SASH1: variants seen among roughly 807,000 people sequenced by gnomAD.
SASH1 encodes SAM and SH3 domain-containing protein 1.
Under a neutral mutation model 125.2 loss-of-function variants are expected in SASH1, and 44 were observed. The ratio of observed to expected loss-of-function variants is 0.35; its 90% CI spans 0.28 to 0.45. The LOEUF (loss-of-function observed/expected upper bound fraction) is 0.45, where lower values mean the gene tolerates loss of function less well. Ranked by LOEUF, SASH1 falls within the 20% of genes least tolerant of loss-of-function variation. The pLI, the probability that SASH1 is intolerant of heterozygous loss-of-function variation, is 1.00. For missense variants in SASH1, 1,426 were observed against 1,614.5 expected (o/e 0.88, Z 2.00); for synonymous variants, 639 against 649.1 (o/e 0.98, Z 0.24).
chr6:148,436,438 A>C (rs1422682959), intron 2 of SASH1, among the ~76,000 whole-genome samples: 1 of 152,026 alleles, frequency 6.6e-6, no homozygotes, highest in African/African-American at 2.4e-5. Context: ...CTGGAAGGTC[A>C]AGGCTGCAGT....
At chr6:148,330,553 T>C (rs1200556417) in intron 1 of SASH1, among the ~76,000 whole-genome samples, 2 of 152,190 alleles carry the variant, frequency 1.3e-5, no homozygotes, top group Non-Finnish European at 2.9e-5. Context: ...TAACAATCTC[T>C]GGTCTCTTAT....
rs1778112397 is a variant in SASH1, at chr6:148,471,466, A to G, written c.477A>G (p.Arg159=). The stretch of plus-strand genomic sequence containing the variant: ...ATAAGTATTTCTGGCAGAACTTCCG[A>G]AAGAACCAGAAAGGAATAATGAGAC... The part of the protein sequence containing the change: ...KKNKYFWQNF[R]KNQKGIMRQT... Residue 159 remains arginine, a synonymous_variant, in exon 6 of 20, where the codon CGA becomes CGG. Coordinates refer to ENST00000367467, the MANE Select transcript of SASH1 (RefSeq NM_015278.5). The G allele has an allele frequency of 6.3e-7, 1 of 1,598,694 alleles. No homozygotes were observed. Among genetic ancestry groups the G allele is most frequent in the Non-Finnish European group, 8.5e-7 (1 of 1,170,644 alleles).
chr6:148,382,522 TCAGGTGATCCA>T (rs1783182840), intron 1 of SASH1, among the ~76,000 whole-genome samples: 2 of 152,182 alleles, frequency 1.3e-5, no homozygotes, highest in Admixed American at 6.5e-5. Flanking sequence ...ATTCCCGACC[TCAGGTGATCCA>T]CCTGCCTTGG....
rs1583347024 is a variant in SASH1 at position 148,548,681 on chromosome 6, G to A, written c.*123G>A. ...ATCCAGAAGAAAGGCCTGGCGTGTGGCCAAACAGCGTGAAACCTTGGCACA... is the reference window on the plus strand; with the variant it reads ...ATCCAGAAGAAAGGCCTGGCGTGTGACCAAACAGCGTGAAACCTTGGCACA... On this transcript the variant is annotated 3_prime_UTR_variant, in exon 20 of 20. Transcript: ENST00000367467. The A allele has an allele frequency of 1.7e-6, 2 of 1,195,562 alleles. No individual in the cohort carries two copies. The highest frequency in any genetic ancestry group is 2.4e-5 in the East Asian group (1 of 41,574). 74.1% of individuals were successfully genotyped at this position (1,195,562 alleles called of 1,614,324 possible). A position where few individuals can be genotyped will look rare whatever the true frequency, so the allele number is the denominator to read the frequency against.
chr6:148,267,991 C>A (rs182803637), upstream of SASH1, among the ~76,000 whole-genome samples: 1 of 152,152 alleles, frequency 6.6e-6, no homozygotes, highest in African/African-American at 2.4e-5. Context: ...ATCCCACGAA[C>A]GAAAGGCCAA....
chr6:148,476,825 C>T lies in SASH1; in HGVS notation c.627+2603C>T, dbSNP rs1178235840. ...CTGACTTCAAATCTATACTACGGAGCTGTAGTAACCAAAACAGCATGGTAC... is the reference window on the plus strand; with the variant it reads ...CTGACTTCAAATCTATACTACGGAGTTGTAGTAACCAAAACAGCATGGTAC... On this transcript the variant is annotated intron_variant, in intron 7 of 19. Transcript: ENST00000367467. 3.3e-5 allele frequency among the ~76,000 whole-genome samples: 5 copies of T among 152,160 alleles called. 1 individual carries two copies. The South Asian group carries it at 8.3e-4, about 25-fold the overall frequency.
chr6:148,343,124 G>GGAGCCC lies in SASH1; in HGVS notation c.65_70dup (p.Glu22_Pro23dup), dbSNP rs776063575. ...CGGAGCCTGAGCCCGAGCCCGAGCC[G>GGAGCCC]GAGCCCGAGCCCGCGCCGGAGCCGG... On this transcript the variant is annotated inframe_insertion, in exon 1 of 20. Coordinates refer to ENST00000367467, the MANE Select transcript of SASH1 (RefSeq NM_015278.5). 44 of 1,388,898 alleles carry GGAGCCC rather than the reference G, an allele frequency of 3.2e-5. No individual in the cohort carries two copies. The highest frequency in any genetic ancestry group is 4.7e-5 in the East Asian group (2 of 42,926). The allele number at this position is 1,388,898 out of a possible 1,614,324, so 86.0% of individuals were successfully genotyped here. A position where few individuals can be genotyped will look rare whatever the true frequency, so the allele number is the denominator to read the frequency against.
chr6:148,200,713 T>C, the SASH1 span, among the ~76,000 whole-genome samples: 1 of 152,206 alleles, frequency 6.6e-6, no homozygotes, highest in Admixed American at 6.5e-5. Flanking sequence ...ATAGTAACAC[T>C]CAAAATAGCC....
At chr6:148,475,559 T>C (rs1320116889) in intron 7 of SASH1, among the ~76,000 whole-genome samples, 1 of 152,162 alleles carries the variant, frequency 6.6e-6, no homozygotes, top group Non-Finnish European at 1.5e-5. Flanking sequence ...AAGTTTCACC[T>C]CTTAACACCG....
chr6:148,218,212 T>G, the SASH1 span, among the ~76,000 whole-genome samples: 5 of 150,900 alleles, frequency 3.3e-5, no homozygotes, highest in Admixed American at 2.7e-4. Flanking sequence ...TGTGAGCCAC[T>G]GATTGAAATG....
the SASH1 span, among the ~76,000 whole-genome samples, chr6:148,241,836 T>C: frequency 2.0e-5 from 3 of 152,192 alleles, no homozygotes; most frequent in African/African-American, 7.2e-5. Flanking sequence ...CTCGTATGAC[T>C]GTTGTAGGGA....
chr6:148,284,778 T>A (rs945406629), intron 1 of SASH1, among the ~76,000 whole-genome samples: 16 of 152,214 alleles, frequency 1.1e-4, no homozygotes, highest in South Asian at 4.1e-4. Flanking sequence ...ATTTCAAGAT[T>A]TTCAAATTTA....
chr6:148,377,184 CAAAAA>C lies in SASH1; in HGVS notation c.157-12944_157-12940del, dbSNP rs1205507255. 4.5e-4 allele frequency among the ~76,000 whole-genome samples: 17 copies of C among 38,130 alleles called. No individual in the cohort carries two copies. The South Asian group carries it at 0.013, about 30-fold the overall frequency. 25.0% of individuals were successfully genotyped at this position (38,130 alleles called of 152,430 possible). A position where few individuals can be genotyped will look rare whatever the true frequency, so the allele number is the denominator to read the frequency against. ...GACTCCGTCTCAAAAAAAAAAAAAA[CAAAAA>C]AAAAACAAAAAAAAAACAAAACAAA... On this transcript the variant is annotated intron_variant, in intron 1 of 19. Coordinates refer to ENST00000367467, the MANE Select transcript of SASH1 (RefSeq NM_015278.5).
At chr6:148,511,602 T>C in intron 8 of SASH1, among the ~76,000 whole-genome samples, 1 of 152,150 alleles carries the variant, frequency 6.6e-6, no homozygotes, top group Admixed American at 6.5e-5. Context: ...AAAGGTGTGT[T>C]TCTCAAAAAT....
chr6:148,380,014 C>T (rs1385946755), intron 1 of SASH1: 1 of 454,464 alleles, frequency 2.2e-6, no homozygotes, highest in Non-Finnish European at 4.4e-6. Context: ...CAGTTGTTAC[C>T]TGTCAGTTCT....
At position 148,534,262 on chromosome 6, in the gene SASH1, C is replaced by T. The variant is rs180827294; in HGVS notation, c.1944+282C>T. On this transcript the variant is annotated intron_variant, in intron 15 of 19. Coordinates refer to ENST00000367467, the MANE Select transcript of SASH1 (RefSeq NM_015278.5). ...AGGCAGAAACTCCTGGCACCTTGAT[C>T]GCAGCTAGCTCCACAGGGGCCACAA... is the stretch of plus-strand genomic sequence containing the variant. Among the ~76,000 whole-genome samples the T allele has an allele frequency of 4.5e-4, 68 of 152,210 alleles. 1 individual carries two copies. The highest frequency in any genetic ancestry group is 8.8e-5 in the Non-Finnish European group (6 of 68,044).
chr6:148,326,327 T>TATATATATGC (rs1554235261), intron 1 of SASH1, among the ~76,000 whole-genome samples: 1 of 60,574 alleles, frequency 1.7e-5, no homozygotes, highest in African/African-American at 6.9e-5. Context: ...CGCATGCATA[T>TATATATATGC]ATATATATAT....
the SASH1 span, among the ~76,000 whole-genome samples, chr6:148,221,668 G>A: frequency 1.3e-5 from 2 of 152,190 alleles, no homozygotes; most frequent in East Asian, 1.9e-4. Flanking sequence ...CTAGACAAGG[G>A]GTGATATTGC....
intron 2 of SASH1, among the ~76,000 whole-genome samples, chr6:148,422,915 T>G (rs944325760): frequency 3.3e-5 from 5 of 152,146 alleles, no homozygotes; most frequent in Non-Finnish European, 7.4e-5. Context: ...ATGATATCTA[T>G]CCGTGTGTGG....
Sources: gnomAD v4.1 joint callset for allele counts (sites outside exome capture counted in the v4.1 genomes callset) on GRCh38, gnomAD v4.1.1 for gene constraint, MANE v1.5 for transcripts, NCBI Gene and HGNC (gene_info 2026-07-23, HGNC 2026-07-21) for gene names.